NXPE3: variants seen among roughly 807,000 people sequenced by gnomAD.
The protein encoded by NXPE3 is NXPE family member 3.
NXPE3 carries 26 observed loss-of-function variants against 46.1 expected under a neutral mutation model. The observed-to-expected ratio is 0.56, with a 90% confidence interval of 0.41 to 0.78. The LOEUF (loss-of-function observed/expected upper bound fraction) is 0.78. NXPE3 is among the 30% of genes least tolerant of loss of function. The pLI is 0.00. For synonymous variants in NXPE3, 272 were observed against 257.9 expected (o/e 1.05, Z -0.52); for missense variants, 620 against 686.0 (o/e 0.90, Z 1.07).
Position 101,813,786 on chromosome 3 carries a change from C to T in NXPE3, c.923-3009C>T, listed in dbSNP as rs140160851. Among the ~76,000 whole-genome samples, 96 of 152,026 alleles carry T rather than the reference C, an allele frequency of 6.3e-4. 1 individual carries two copies. Among genetic ancestry groups the T allele is most frequent in the African/African-American group, 2.3e-3 (94 of 41,442 alleles). ...GGGGTTATATTATCTATTTAGGAGA[C>T]TTTCATATCTCAGTTATCTTACATG... is the stretch of plus-strand genomic sequence containing the variant. On this transcript the variant is annotated intron_variant, in intron 6 of 7. Coordinates refer to ENST00000273347, the MANE Select transcript of NXPE3 (RefSeq NM_145037.4).
chr3:101,803,125 A>G (rs758641005), intron 5 of NXPE3, among the ~76,000 whole-genome samples: 21 of 152,054 alleles, frequency 1.4e-4, no homozygotes, highest in African/African-American at 1.9e-4. Context: ...TCCTTGGTAG[A>G]GAGAATTTTT....
intron 5 of NXPE3, among the ~76,000 whole-genome samples, chr3:101,805,528 T>TC (rs1267626501): frequency 6.6e-6 from 1 of 152,004 alleles, no homozygotes; most frequent in Admixed American, 6.6e-5. Flanking sequence ...TCACTTGACT[T>TC]CCTGGGGTCA....
chr3:101,784,691 A>G (rs1940044208), intron 3 of NXPE3, among the ~76,000 whole-genome samples: 1 of 152,202 alleles, frequency 6.6e-6, no homozygotes, highest in Admixed American at 6.5e-5. Context: ...GAGAACAGTT[A>G]GGCACTGCTG....
At chr3:101,816,095 C>T (rs766084211) in intron 6 of NXPE3, among the ~76,000 whole-genome samples, 3 of 151,980 alleles carry the variant, frequency 2.0e-5, no homozygotes, top group Non-Finnish European at 4.4e-5. Flanking sequence ...ACCCAGGAGG[C>T]GGAGGTTGCA....
At chr3:101,784,893 C>T (rs538376536) in intron 3 of NXPE3, among the ~76,000 whole-genome samples, 2 of 152,222 alleles carry the variant, frequency 1.3e-5, no homozygotes, top group East Asian at 3.9e-4. Context: ...GAGTGTGTCG[C>T]GTCTCCTGCC....
Position 101,816,844 on chromosome 3 carries a change from G to A in NXPE3, c.972G>A (p.Gly324=). Residue 324 remains glycine (G), a synonymous_variant, in exon 7 of 8, where the codon GGG becomes GGA. Coordinates refer to ENST00000273347, the MANE Select transcript of NXPE3 (RefSeq NM_145037.4). The part of the protein sequence containing the change: ...LSQGSGTFPS[G]YYYKDQWRPR... Reference sequence around the variant, plus strand: ...AAGGCTCAGGAACTTTTCCTTCTGGGTATTATTATAAAGACCAGTGGAGGC... The same window carrying A: ...AAGGCTCAGGAACTTTTCCTTCTGGATATTATTATAAAGACCAGTGGAGGC... 1.9e-6 allele frequency: 3 copies of A among 1,614,060 alleles called. No homozygotes were observed. Among genetic ancestry groups the A allele is most frequent in the Non-Finnish European group, 2.5e-6 (3 of 1,179,994 alleles).
At chr3:101,790,144 A>G (rs1005179563) in intron 4 of NXPE3, among the ~76,000 whole-genome samples, 2 of 152,214 alleles carry the variant, frequency 1.3e-5, no homozygotes, top group Non-Finnish European at 2.9e-5. Flanking sequence ...TTATGGCACA[A>G]AATATGGTCT....
At chr3:101,811,021 G>A (rs919879838) in intron 6 of NXPE3, among the ~76,000 whole-genome samples, 1 of 152,024 alleles carries the variant, frequency 6.6e-6, no homozygotes, top group Non-Finnish European at 1.5e-5. Flanking sequence ...GGTTTTCACT[G>A]TGTTGGCCAG....
rs1433424413 is a variant in NXPE3, at chr3:101,822,837, T to G, written c.*883T>G. 4.4e-5 allele frequency: 4 copies of G among 91,610 alleles called. No individual in the cohort carries two copies. Among genetic ancestry groups the G allele is most frequent in the Non-Finnish European group, 7.0e-5 (3 of 42,672 alleles). 5.7% of individuals were successfully genotyped at this position (91,610 alleles called of 1,614,324 possible). Reference sequence around the variant, plus strand: ...AAGTTTTTTCCACTAGTTTCAGGTGTTTTTTTTTTTGTTGTTGTTGTTGTT... The same window carrying G: ...AAGTTTTTTCCACTAGTTTCAGGTGGTTTTTTTTTTGTTGTTGTTGTTGTT... On this transcript the variant is annotated 3_prime_UTR_variant, in exon 8 of 8. Coordinates refer to ENST00000273347, the MANE Select transcript of NXPE3 (RefSeq NM_145037.4).
chr3:101,796,251 A>G (rs755096737), intron 4 of NXPE3, among the ~76,000 whole-genome samples: 2 of 152,224 alleles, frequency 1.3e-5, no homozygotes, highest in Non-Finnish European at 2.9e-5. Context: ...GGGACAGGCA[A>G]TCACCATGTT....
At chr3:101,817,475 CA>C (rs1448957374) in intron 7 of NXPE3, among the ~76,000 whole-genome samples, 1 of 152,200 alleles carries the variant, frequency 6.6e-6, no homozygotes, top group Non-Finnish European at 1.5e-5. Flanking sequence ...ATCCTTGCAG[CA>C]AAGCCATCCC....
At chr3:101,806,686 G>A (rs1008806031) in intron 5 of NXPE3, among the ~76,000 whole-genome samples, 5 of 152,080 alleles carry the variant, frequency 3.3e-5, no homozygotes, top group Non-Finnish European at 7.4e-5. Flanking sequence ...TTAATGCAGC[G>A]TATACTTGCA....
At chr3:101,805,894 A>G (rs1381469818) in intron 5 of NXPE3, among the ~76,000 whole-genome samples, 4 of 152,064 alleles carry the variant, frequency 2.6e-5, no homozygotes, top group Non-Finnish European at 5.9e-5. Flanking sequence ...TAATAATTAT[A>G]TAATTATTAT....
chr3:101,794,582 C>G (rs984760221), intron 4 of NXPE3, among the ~76,000 whole-genome samples: 1 of 152,090 alleles, frequency 6.6e-6, no homozygotes, highest in African/African-American at 2.4e-5. Flanking sequence ...AATTTCAAGA[C>G]CTTAAGTGTG....
Position 101,780,041 on chromosome 3 carries a change from A to C in NXPE3, c.-498+717A>C, listed in dbSNP as rs1396894336. ...CAGGATTTATGCAGCATTTGTGCAA[A>C]ATTGTAAATTTTCTTTGCTTTTCAT... On this transcript the variant is annotated intron_variant, in intron 1 of 7. Transcript: ENST00000273347. The C allele has an allele frequency of 5.3e-5, 8 of 152,360 alleles. No individual in the cohort carries two copies. The East Asian group carries it at 1.5e-3, about 29-fold the overall frequency. 9.4% of individuals were successfully genotyped at this position (152,360 alleles called of 1,614,324 possible).
chr3:101,784,140 T>C (rs1939999353), intron 3 of NXPE3, among the ~76,000 whole-genome samples: 1 of 152,226 alleles, frequency 6.6e-6, no homozygotes, highest in Non-Finnish European at 1.5e-5. Flanking sequence ...TTGTGTACCA[T>C]GTAAAGAACT....
Position 101,822,161 on chromosome 3 carries a change from A to T in NXPE3, c.*207A>T. ...ATAGGATTTTATCCAATGTTGACTTAGCCATGGTAGAACTCTTAACTGCAT... is the reference window on the plus strand; with the variant it reads ...ATAGGATTTTATCCAATGTTGACTTTGCCATGGTAGAACTCTTAACTGCAT... On this transcript the variant is annotated 3_prime_UTR_variant, in exon 8 of 8. Coordinates refer to ENST00000273347, the MANE Select transcript of NXPE3 (RefSeq NM_145037.4). 3.9e-6 allele frequency: 2 copies of T among 508,070 alleles called. No individual in the cohort carries two copies. The highest frequency in any genetic ancestry group is 7.0e-6 in the Non-Finnish European group (2 of 286,606). The allele number at this position is 508,070 out of a possible 1,614,324, so 31.5% of individuals were successfully genotyped here. A position where few individuals can be genotyped will look rare whatever the true frequency, so the allele number is the denominator to read the frequency against.
Position 101,821,695 on chromosome 3 carries a change from G to A in NXPE3, c.1421G>A (p.Ser474Asn), listed in dbSNP as rs1942260136. The change falls in exon 8 of 8, where the codon AGC becomes AAC. Residue 474 changes from serine (S) to asparagine (N), a missense_variant. This residue lies in a region of NXPE3 where 75 missense variants were observed against 121.1 expected (regional missense o/e 0.62). Coordinates refer to ENST00000273347, the MANE Select transcript of NXPE3 (RefSeq NM_145037.4). ...GCAGTGGTTCGGCTCCTCGATCGAA[G>A]CCCAAAGACCGTGGTGGTCATCCGG... is the stretch of plus-strand genomic sequence containing the variant. Reference protein sequence around the residue: ...RRAVVRLLDRSPKTVVVIRTA... With the variant: ...RRAVVRLLDRNPKTVVVIRTA... The A allele has an allele frequency of 6.2e-7, 1 of 1,614,110 alleles. No homozygotes were observed. Among genetic ancestry groups the A allele is most frequent in the South Asian group, 1.1e-5 (1 of 91,096 alleles).
intron 5 of NXPE3, among the ~76,000 whole-genome samples, chr3:101,805,072 A>T (rs1199692446): frequency 6.6e-6 from 1 of 152,098 alleles, no homozygotes. Flanking sequence ...GTTTATATGT[A>T]TCTGTGTATA....
Sources: gnomAD v4.1 joint callset for allele counts (sites outside exome capture counted in the v4.1 genomes callset) on GRCh38, gnomAD v4.1.1 for gene constraint, gnomAD v4.1.1 regional missense constraint, MANE v1.5 for transcripts, NCBI Gene and HGNC (gene_info 2026-07-23, HGNC 2026-07-21) for gene names.